The following LRIG3 variants were observed in gnomAD, a reference collection of about 807,000 sequenced individuals.
LRIG3 encodes the protein leucine-rich repeats and immunoglobulin-like domains protein 3.
LRIG3 carries 76 observed loss-of-function variants against 114.5 expected under a neutral mutation model. The observed-to-expected ratio is 0.66, with a 90% CI of 0.55 to 0.80. The LOEUF is 0.80. Ranked by LOEUF, LRIG3 falls within the 30% of genes least tolerant of loss-of-function variation. The probability of loss-of-function intolerance (pLI) is 0.00; values close to 1 mark genes in which losing one functional copy is unlikely to be tolerated. For synonymous variants in LRIG3, 512 were observed against 519.8 expected (o/e 0.98, Z 0.20); for missense variants, 1,239 against 1,382.8 (o/e 0.90, Z 1.65).
At chr12:58,891,053 T>C (rs1871440812) in intron 3 of LRIG3, among the ~76,000 whole-genome samples, 1 of 152,158 alleles carries the variant, frequency 6.6e-6, no homozygotes, top group South Asian at 2.1e-4. Flanking sequence ...CTAAATGCTA[T>C]GCACTTAAAG....
intron 3 of LRIG3, among the ~76,000 whole-genome samples, chr12:58,892,022 C>A (rs1005424658): frequency 6.3e-5 from 9 of 143,116 alleles, no homozygotes; most frequent in Non-Finnish European, 6.1e-5. Context: ...TTATACTGAA[C>A]AAATGGAAAG....
intron 3 of LRIG3, among the ~76,000 whole-genome samples, chr12:58,913,050 A>G (rs372141997): frequency 3.0e-4 from 46 of 152,266 alleles, no homozygotes; most frequent in African/African-American, 1.0e-3. Context: ...CCTCAGTAAA[A>G]ACAAACCTCT....
At chr12:58,873,906 G>T in intron 18 of LRIG3, 149 bp downstream of exon 18, 2 of 869,704 alleles carry the variant, frequency 2.3e-6, no homozygotes, top group Non-Finnish European at 3.6e-6. Flanking sequence ...GCTTTTGGAG[G>T]CATTTACACT....
chr12:58,893,592 A>T (rs1871527485), intron 3 of LRIG3, among the ~76,000 whole-genome samples: 1 of 152,216 alleles, frequency 6.6e-6, no homozygotes, highest in Non-Finnish European at 1.5e-5. Flanking sequence ...AGGGTAATGC[A>T]AGTGAGACAA....
At chr12:58,914,376 A>G (rs1302270476) in intron 1 of LRIG3, 40 bp from the exon 2 acceptor site, 2 of 1,488,298 alleles carry the variant, frequency 1.3e-6, no homozygotes, top group Non-Finnish European at 1.9e-6. Flanking sequence ...TCATTTCTAA[A>G]AATCACTAAT....
intron 3 of LRIG3, among the ~76,000 whole-genome samples, chr12:58,910,522 G>A (rs902838313): frequency 1.3e-5 from 2 of 152,128 alleles, no homozygotes; most frequent in Non-Finnish European, 2.9e-5. Flanking sequence ...GCAAGAGAAC[G>A]GCATGAACCC....
At position 58,872,521 on chromosome 12, in the gene LRIG3, A is replaced by T; in HGVS notation, c.*51T>A. The T allele has an allele frequency of 6.7e-7, 1 of 1,484,924 alleles. No individual in the cohort carries two copies. The highest frequency in any genetic ancestry group is 9.0e-7 in the Non-Finnish European group (1 of 1,113,292). The allele number at this position is 1,484,924 out of a possible 1,614,324, so 92.0% of individuals were successfully genotyped here. The stretch of plus-strand genomic sequence containing the variant: ...ACATAAGATTCTCTCTCTTTTAAAT[A>T]AAAGTTCACTTGAGGTAGTATGTTA... On this transcript the variant is annotated 3_prime_UTR_variant, in exon 19 of 19. Coordinates refer to ENST00000320743, the MANE Select transcript of LRIG3 (RefSeq NM_153377.5).
At position 58,885,835 on chromosome 12, in the gene LRIG3, G is replaced by T. The variant is rs751797930; in HGVS notation, c.1240C>A (p.His414Asn). The change falls in exon 10 of 19, where the codon CAT (histidine) becomes AAT (asparagine). Residue 414 changes from histidine to asparagine, a missense_variant. Coordinates refer to ENST00000320743, the MANE Select transcript of LRIG3 (RefSeq NM_153377.5). ...KAFTGLDALEHLDLSDNAIMS... is the reference protein window; with the variant it reads ...KAFTGLDALENLDLSDNAIMS... ...AACTAAATTCTAGCTACTCACAGAT[G>T]CTCCAATGCATCCAAACCAGTGAAG... 23 of 1,577,806 alleles carry T rather than the reference G, an allele frequency of 1.5e-5. No individual in the cohort carries two copies. The highest frequency in any genetic ancestry group is 3.4e-4 in the Middle Eastern group (2 of 5,906).
intron 3 of LRIG3, among the ~76,000 whole-genome samples, chr12:58,910,108 A>G (rs1238630767): frequency 6.6e-6 from 1 of 152,230 alleles, no homozygotes; most frequent in East Asian, 1.9e-4. Flanking sequence ...GACAGGCTAT[A>G]AAGACAATGA....
At chr12:58,919,632 G>C in intron 1 of LRIG3, 1 of 1,465,348 alleles carries the variant, frequency 6.8e-7, no homozygotes, top group South Asian at 1.4e-5. Context: ...GCAAACTCCT[G>C]ATGTGTGCAG....
At chr12:58,875,688 G>A (rs1870892831) in intron 16 of LRIG3, among the ~76,000 whole-genome samples, 1 of 152,168 alleles carries the variant, frequency 6.6e-6, no homozygotes, top group South Asian at 2.1e-4. Flanking sequence ...CTTGTATTAT[G>A]CTGTCTCCAT....
rs1281399469 is a variant in LRIG3 at position 58,882,855 on chromosome 12, A to C, written c.1480+14T>G. The C allele has an allele frequency of 2.5e-6, 4 of 1,598,616 alleles. No homozygotes were observed. The highest frequency in any genetic ancestry group is 3.4e-6 in the Non-Finnish European group (4 of 1,173,480). ...GAAGAATAAATAAAAGGCAAGGGCA[A>C]TACTTATACTCACCACACACAAAGC... On this transcript the variant is annotated intron_variant, in intron 12 of 18. Coordinates refer to ENST00000320743, the MANE Select transcript of LRIG3 (RefSeq NM_153377.5).
chr12:58,904,573 T>C (rs1871990423), intron 3 of LRIG3, among the ~76,000 whole-genome samples: 1 of 152,210 alleles, frequency 6.6e-6, no homozygotes, highest in Non-Finnish European at 1.5e-5. Context: ...CAGGTGGGAA[T>C]GAATTTTACG....
At position 58,882,993 on chromosome 12, in the gene LRIG3, T is replaced by C. The variant is rs747363456; in HGVS notation, c.1356A>G (p.Leu452=). The C allele has an allele frequency of 6.2e-7, 1 of 1,614,098 alleles. No individual in the cohort carries two copies. The highest frequency in any genetic ancestry group is 1.1e-5 in the South Asian group (1 of 91,078). Reference sequence around the variant, plus strand: ...CCGCCACCCACTGTGGGAGCCATTTTAGCTGGCAATCGCACAAAAGGCTTG... The same window carrying C: ...CCGCCACCCACTGTGGGAGCCATTTCAGCTGGCAATCGCACAAAAGGCTTG... ...NTSSLLCDCQ[L]KWLPQWVAEN... The change falls in exon 12 of 19, where the codon CTA becomes CTG. Residue 452 remains leucine, a synonymous_variant. Transcript: ENST00000320743.
intron 3 of LRIG3, among the ~76,000 whole-genome samples, chr12:58,898,900 G>A (rs1271952065): frequency 1.3e-5 from 2 of 151,726 alleles, no homozygotes; most frequent in East Asian, 1.9e-4. Context: ...CTCATGATCC[G>A]CCTGCCTCAG....
rs199590868 is a variant in LRIG3, at chr12:58,919,078, GAAC to G, written c.236+919_236+921del. ...ATGAAGTGCACTTTTATTTTAAACA[GAAC>G]AACTACTTTAAAAAATACAAATTTT... On this transcript the variant is annotated intron_variant, in intron 1 of 18. Coordinates refer to ENST00000320743, the MANE Select transcript of LRIG3 (RefSeq NM_153377.5). Among the ~76,000 whole-genome samples the G allele has an allele frequency of 8.5e-3, 1,292 of 152,192 alleles. 12 individuals carry two copies. The highest frequency in any genetic ancestry group is 0.027 in the African/African-American group (1,112 of 41,540).
At chr12:58,890,640 T>G in intron 4 of LRIG3, 25 bp downstream of exon 4, 1 of 1,548,054 alleles carries the variant, frequency 6.5e-7, no homozygotes, top group Non-Finnish European at 8.7e-7. Context: ...AGGTGAAAGT[T>G]TTTGCTAAAG....
intron 3 of LRIG3, among the ~76,000 whole-genome samples, chr12:58,896,865 T>C (rs538422860): frequency 1.2e-3 from 189 of 152,340 alleles, no homozygotes; most frequent in Admixed American, 2.7e-3. Context: ...AATTTCTATA[T>C]ATAACTTGCA....
rs1237549795 is a variant in LRIG3, at chr12:58,877,436, T to C, written c.2500A>G (p.Arg834Gly). Residue 834 changes from arginine to glycine, a missense_variant, in exon 15 of 19, where the codon AGG becomes GGG. Physicochemically the swap from Arg to Gly is moderately radical, Grantham distance 125 (BLOSUM62 -2). Coordinates refer to ENST00000320743, the MANE Select transcript of LRIG3 (RefSeq NM_153377.5). ...ATGCTGCAATCTTCATTCCTCCGCC[T>C]TGTGTGGTATATGATGACCACCCAC... is the stretch of plus-strand genomic sequence containing the variant. ...LVWVVIIYHT[R>G]RRNEDCSITN... is the part of the protein sequence containing the mutation. 1 of 1,614,120 alleles carries C rather than the reference T, an allele frequency of 6.2e-7. No individual in the cohort carries two copies. Among genetic ancestry groups the C allele is most frequent in the Admixed American group, 1.7e-5 (1 of 60,026 alleles).
Sources: allele counts gnomAD v4.1 joint callset (sites outside exome capture counted in the v4.1 genomes callset), GRCh38; gene constraint gnomAD v4.1.1; transcripts MANE v1.5; gene names NCBI Gene and HGNC (gene_info 2026-07-23, HGNC 2026-07-21).